The following RBMS1 variants were observed in gnomAD, a reference collection of about 807,000 sequenced individuals.
The protein encoded by RBMS1 is RNA binding motif single stranded interacting protein 1, also known as RNA-binding motif, single-stranded-interacting protein 1.
In RBMS1, 17 loss-of-function variants were observed where a neutral mutation model predicts 62.3. The observed-to-expected ratio is 0.27, with a 90% CI of 0.19 to 0.41. The LOEUF (loss-of-function observed/expected upper bound fraction) is 0.41, where lower values mean the gene tolerates loss of function less well. Among genes scored for constraint, RBMS1 ranks in the 10% least tolerant of loss-of-function variants. The pLI is 1.00. For missense variants in RBMS1, 334 were observed against 504.5 expected, an observed-to-expected ratio of 0.66 and a Z score of 3.24; for synonymous variants, 172 against 170.0, an observed-to-expected ratio of 1.01 and a Z score of -0.09.
chr2:160,491,933 G>C (rs1233338524), intron 1 of RBMS1, among the ~76,000 whole-genome samples: 2 of 152,216 alleles, frequency 1.3e-5, no homozygotes, highest in Non-Finnish European at 2.9e-5. Flanking sequence ...GGAATTGGGG[G>C]AAGTGAAAAT....
chr2:160,399,125 T>C (rs1695307865), intron 1 of RBMS1, among the ~76,000 whole-genome samples: 1 of 152,216 alleles, frequency 6.6e-6, no homozygotes, highest in Admixed American at 6.5e-5. Flanking sequence ...CAATGTTCTT[T>C]TTACCTGAAA....
intron 1 of RBMS1, chr2:160,407,839 T>A (rs942947516): frequency 1.0e-6 from 1 of 980,906 alleles, no homozygotes; most frequent in Non-Finnish European, 1.2e-6. Context: ...TCGCCGACTC[T>A]CCCGGCGGCA....
intron 2 of RBMS1, among the ~76,000 whole-genome samples, chr2:160,355,009 G>A (rs1692718194): frequency 6.6e-6 from 1 of 152,146 alleles, no homozygotes; most frequent in Non-Finnish European, 1.5e-5. Context: ...GCTCTCTCAC[G>A]AAATTTCGTC....
At chr2:160,422,063 C>T (rs1468992236) in intron 1 of RBMS1, among the ~76,000 whole-genome samples, 2 of 152,170 alleles carry the variant, frequency 1.3e-5, no homozygotes, top group African/African-American at 2.4e-5. Context: ...GCTACTTTCA[C>T]CTAAATCTAC....
At chr2:160,313,292 G>T in intron 3 of RBMS1, 45 bp from the exon 4 acceptor site, 1 of 1,579,434 alleles carries the variant, frequency 6.3e-7, no homozygotes, top group Non-Finnish European at 8.7e-7. Context: ...TTATTCTGTG[G>T]TTAGGTAAAA....
At chr2:160,352,850 G>A (rs1692592925) in intron 2 of RBMS1, among the ~76,000 whole-genome samples, 1 of 152,066 alleles carries the variant, frequency 6.6e-6, no homozygotes, top group Non-Finnish European at 1.5e-5. Context: ...TCATTGACTG[G>A]TACTGATGCT....
At chr2:160,295,533 C>A (rs551423515) in intron 6 of RBMS1, among the ~76,000 whole-genome samples, 123 of 152,334 alleles carry the variant, frequency 8.1e-4, no homozygotes, top group African/African-American at 2.7e-3. Flanking sequence ...TAATCTGTTT[C>A]TTGTGCTCCA....
chr2:160,327,905 G>T (rs1173173266), intron 2 of RBMS1, among the ~76,000 whole-genome samples: 3 of 152,156 alleles, frequency 2.0e-5, no homozygotes, highest in African/African-American at 7.2e-5. Flanking sequence ...TTGAATTTAT[G>T]AACTGACAAT....
intron 2 of RBMS1, among the ~76,000 whole-genome samples, chr2:160,341,461 G>C (rs1451575341): frequency 1.3e-5 from 2 of 152,064 alleles, no homozygotes; most frequent in African/African-American, 2.4e-5. Flanking sequence ...TGATTACTTG[G>C]TACCACTGTC....
At chr2:160,479,287 A>T (rs935247655) in intron 1 of RBMS1, among the ~76,000 whole-genome samples, 2 of 152,256 alleles carry the variant, frequency 1.3e-5, no homozygotes, top group African/African-American at 4.8e-5. Context: ...GAGGGTGAGC[A>T]GGGCGCAGCT....
At chr2:160,435,918 G>A (rs533170482) in intron 1 of RBMS1, among the ~76,000 whole-genome samples, 151 of 152,248 alleles carry the variant, frequency 9.9e-4, no homozygotes, top group Non-Finnish European at 1.9e-3. Context: ...TTTGACTGGG[G>A]TATAGAGGAG....
intron 1 of RBMS1, among the ~76,000 whole-genome samples, chr2:160,378,617 T>TTAAA (rs761070241): frequency 1.6e-5 from 2 of 124,118 alleles, no homozygotes; most frequent in African/African-American, 3.5e-5. Context: ...ACTCTATCTA[T>TTAAA]AAAAAAAAAA....
At chr2:160,382,545 A>T (rs1038076721) in intron 1 of RBMS1, among the ~76,000 whole-genome samples, 1 of 152,238 alleles carries the variant, frequency 6.6e-6, no homozygotes, top group African/African-American at 2.4e-5. Context: ...AAAACAGATT[A>T]ATCAGAATTA....
intron 1 of RBMS1, 32 bp from the exon 2 acceptor site, chr2:160,367,423 C>T: frequency 1.2e-6 from 2 of 1,611,972 alleles, no homozygotes; most frequent in African/African-American, 1.3e-5. Flanking sequence ...CCTTAGTATG[C>T]TAGCATTAGG....
intron 1 of RBMS1, among the ~76,000 whole-genome samples, chr2:160,463,267 T>C (rs1015342028): frequency 1.3e-5 from 2 of 152,222 alleles, no homozygotes; most frequent in African/African-American, 4.8e-5. Context: ...CCAATAACTG[T>C]GAAAGCTGAT....
chr2:160,426,297 A>AAGAAAGAAG (rs1682606327), intron 1 of RBMS1, among the ~76,000 whole-genome samples: 4 of 56,162 alleles, frequency 7.1e-5, no homozygotes, highest in Admixed American at 3.9e-4. Context: ...AAGAAAAGAA[A>AAGAAAGAAG]GAAGGAAGGA....
At chr2:160,338,998 G>C (rs1171630803) in intron 2 of RBMS1, among the ~76,000 whole-genome samples, 2 of 152,196 alleles carry the variant, frequency 1.3e-5, no homozygotes, top group Non-Finnish European at 2.9e-5. Context: ...ACTGAGGCCA[G>C]GAAGCAAAAG....
intron 9 of RBMS1, 176 bp from the exon 10 acceptor site, chr2:160,281,540 C>G (rs950926767): frequency 5.7e-6 from 3 of 524,740 alleles, no homozygotes; most frequent in Non-Finnish European, 6.8e-6. Flanking sequence ...TCACTCTGAA[C>G]AGGATGAAAT....
intron 1 of RBMS1, among the ~76,000 whole-genome samples, chr2:160,391,361 C>A (rs1213048779): frequency 6.6e-6 from 1 of 151,708 alleles, no homozygotes; most frequent in East Asian, 1.9e-4. Flanking sequence ...CCTTCCCTGG[C>A]ACCTTCAGAG....
Sources: allele counts gnomAD v4.1 joint callset (sites outside exome capture counted in the v4.1 genomes callset), GRCh38; gene constraint gnomAD v4.1.1; transcripts MANE v1.5; gene names NCBI Gene and HGNC (gene_info 2026-07-23, HGNC 2026-07-21).